The following KIAA1217 variants were observed in gnomAD, a reference collection of about 807,000 sequenced individuals.
KIAA1217 encodes the protein sickle tail protein homolog.
In KIAA1217, 88 loss-of-function variants were observed where a neutral mutation model predicts 163.9. The observed-to-expected ratio is 0.54, with a 90% CI of 0.45 to 0.64. KIAA1217 has a LOEUF of 0.64. Ranked by LOEUF, KIAA1217 falls within the 30% of genes least tolerant of loss-of-function variation. The pLI, the probability that KIAA1217 is intolerant of heterozygous loss-of-function variation, is 0.00. For synonymous variants in KIAA1217, 903 were observed against 923.1 expected (o/e 0.98, Z 0.39); for missense variants, 2,372 against 2,475.0 (o/e 0.96, Z 0.88).
At chr10:23,948,035 T>C (rs1036453808) in intron 1 of KIAA1217, among the ~76,000 whole-genome samples, 5 of 152,240 alleles carry the variant, frequency 3.3e-5, no homozygotes, top group African/African-American at 1.2e-4. Context: ...TCTTACACAC[T>C]TCTTACACAC....
At chr10:24,445,219 C>G (rs1190178423) in intron 5 of KIAA1217, among the ~76,000 whole-genome samples, 1 of 152,012 alleles carries the variant, frequency 6.6e-6, no homozygotes, top group Non-Finnish European at 1.5e-5. Flanking sequence ...CACATCTGAT[C>G]AATGTTGGAC....
chr10:24,479,882 G>A (rs1244005275), intron 6 of KIAA1217, among the ~76,000 whole-genome samples: 6 of 152,150 alleles, frequency 3.9e-5, no homozygotes, highest in East Asian at 1.9e-4. Flanking sequence ...TCTTAAAAGC[G>A]AGAGCAAGAA....
At chr10:24,265,363 A>G (rs1174230041) in intron 2 of KIAA1217, among the ~76,000 whole-genome samples, 2 of 152,200 alleles carry the variant, frequency 1.3e-5, no homozygotes, top group African/African-American at 4.8e-5. Context: ...GACTATTTTG[A>G]CATCATTTAT....
chr10:23,830,792 G>T (rs572774140), intron 1 of KIAA1217, among the ~76,000 whole-genome samples: 124 of 146,224 alleles, frequency 8.5e-4, no homozygotes, highest in African/African-American at 3.3e-3. Flanking sequence ...AAAGAAAATA[G>T]ATAGGTGATA....
intron 1 of KIAA1217, among the ~76,000 whole-genome samples, chr10:23,924,539 G>C (rs1842955291): frequency 6.6e-6 from 1 of 152,136 alleles, no homozygotes; most frequent in Non-Finnish European, 1.5e-5. Flanking sequence ...GTGACCTTAA[G>C]GTCACCTTAT....
At chr10:24,365,969 AT>A (rs1412300109) in intron 2 of KIAA1217, among the ~76,000 whole-genome samples, 1 of 152,174 alleles carries the variant, frequency 6.6e-6, no homozygotes, top group African/African-American at 2.4e-5. Context: ...AGGCTCCTAT[AT>A]GTTACTAGTC....
intron 2 of KIAA1217, among the ~76,000 whole-genome samples, chr10:24,324,497 G>A (rs918787291): frequency 7.9e-5 from 12 of 152,154 alleles, no homozygotes; most frequent in Admixed American, 2.6e-4. Context: ...AACCCAGGAG[G>A]CAGAGGTTGC....
chr10:24,367,408 T>C (rs1348112222), intron 2 of KIAA1217, among the ~76,000 whole-genome samples: 6 of 152,224 alleles, frequency 3.9e-5, no homozygotes, highest in Non-Finnish European at 5.9e-5. Context: ...GAGTCAGTAT[T>C]AAAATGAACA....
At chr10:24,462,608 A>G (rs981566526) in intron 5 of KIAA1217, among the ~76,000 whole-genome samples, 13 of 152,194 alleles carry the variant, frequency 8.5e-5, no homozygotes, top group Non-Finnish European at 1.5e-4. Flanking sequence ...CCAACTATTC[A>G]AAAAGACATA....
chr10:23,922,618 C>T (rs907950369), intron 1 of KIAA1217, among the ~76,000 whole-genome samples: 1 of 152,110 alleles, frequency 6.6e-6, no homozygotes, highest in Admixed American at 6.5e-5. Flanking sequence ...TTGGTGTCTA[C>T]AGAGAACAGG....
intron 1 of KIAA1217, among the ~76,000 whole-genome samples, chr10:23,700,313 C>T (rs1361188865): frequency 6.6e-6 from 1 of 152,120 alleles, no homozygotes; most frequent in Non-Finnish European, 1.5e-5. Context: ...CCCTTCCTGG[C>T]AGCCGAGACC....
At chr10:23,743,578 A>G (rs1224569725) in intron 1 of KIAA1217, among the ~76,000 whole-genome samples, 1 of 152,216 alleles carries the variant, frequency 6.6e-6, no homozygotes, top group Non-Finnish European at 1.5e-5. Context: ...GAGGGTAGTT[A>G]GAATACAACA....
rs1225919531 is a variant in KIAA1217, at chr10:24,088,564, C to T, written c.-171+81190C>T. On this transcript the variant is annotated intron_variant, in intron 2 of 18. Coordinates refer to the KIAA1217 transcript ENST00000376462. ...TGCGGTGTTTGGTTTTTTGTCCTTGCGATAGTTTGCTGAGAATGATGGTTT... is the reference window on the plus strand; with the variant it reads ...TGCGGTGTTTGGTTTTTTGTCCTTGTGATAGTTTGCTGAGAATGATGGTTT... Among the ~76,000 whole-genome samples the T allele has an allele frequency of 4.2e-5, 5 of 118,164 alleles. 1 individual carries two copies. The highest frequency in any genetic ancestry group is 1.7e-4 in the Admixed American group (2 of 11,874). 77.5% of individuals were successfully genotyped at this position (118,164 alleles called of 152,430 possible). A position where few individuals can be genotyped will look rare whatever the true frequency, so the allele number is the denominator to read the frequency against.
intron 1 of KIAA1217, among the ~76,000 whole-genome samples, chr10:23,707,605 G>A (rs571953224): frequency 2.0e-5 from 3 of 152,220 alleles, no homozygotes; most frequent in African/African-American, 7.2e-5. Context: ...GGGTGTGAGG[G>A]TTGAAAAATT....
chr10:24,483,467 T>G (rs78938895), intron 6 of KIAA1217, among the ~76,000 whole-genome samples: 14,170 of 152,246 alleles, frequency 0.093, 947 homozygotes, highest in East Asian at 0.16. Context: ...CCCCCTCACA[T>G]TTTGTCTTTG....
At chr10:24,066,754 A>G (rs1213977799) in intron 2 of KIAA1217, among the ~76,000 whole-genome samples, 2 of 152,144 alleles carry the variant, frequency 1.3e-5, no homozygotes, top group African/African-American at 4.8e-5. Flanking sequence ...ACTTGGTTCC[A>G]TTCTCCCCGT....
At chr10:24,528,967 C>G (rs2072672637) in intron 14 of KIAA1217, among the ~76,000 whole-genome samples, 1 of 152,074 alleles carries the variant, frequency 6.6e-6, no homozygotes, top group Non-Finnish European at 1.5e-5. Context: ...GAATCTCAAC[C>G]TATTAAATAT....
intron 17 of KIAA1217, among the ~76,000 whole-genome samples, chr10:24,539,991 A>G (rs967141637): frequency 2.0e-5 from 3 of 152,186 alleles, no homozygotes; most frequent in African/African-American, 7.2e-5. Flanking sequence ...AAGAGGCATA[A>G]TTACCTTTCA....
chr10:24,016,072 C>G (rs1477161260), intron 2 of KIAA1217, among the ~76,000 whole-genome samples: 1 of 152,130 alleles, frequency 6.6e-6, no homozygotes, highest in African/African-American at 2.4e-5. Context: ...TGTATCTCAG[C>G]ATGCATAGTT....
Sources: gnomAD v4.1 joint callset for allele counts (sites outside exome capture counted in the v4.1 genomes callset) on GRCh38, gnomAD v4.1.1 for gene constraint, MANE v1.5 for transcripts, NCBI Gene and HGNC (gene_info 2026-07-23, HGNC 2026-07-21) for gene names.